The following DNAH9 variants were observed in gnomAD, a reference collection of about 807,000 sequenced individuals.
DNAH9 encodes DNAH9 variant protein.
Under a neutral mutation model 471.6 loss-of-function variants are expected in DNAH9, and 345 were observed. That is an observed-to-expected ratio of 0.73 (90% CI 0.67 to 0.80). The LOEUF (loss-of-function observed/expected upper bound fraction) is 0.80, where lower values mean the gene tolerates loss of function less well. DNAH9 is among the 30% of genes least tolerant of loss of function. The pLI is 0.00. For missense variants in DNAH9, 5,407 were observed against 5,609.2 expected (o/e 0.96, Z 1.15); for synonymous variants, 2,093 against 2,123.6 (o/e 0.99, Z 0.40).
At chr17:11,748,842 C>T (rs1262169071) in intron 32 of DNAH9, among the ~76,000 whole-genome samples, 1 of 152,126 alleles carries the variant, frequency 6.6e-6, no homozygotes, top group East Asian at 1.9e-4. Context: ...GAAATCTCAG[C>T]TCCTTCCTGA....
chr17:11,651,196 T>C lies in DNAH9; in HGVS notation c.2225T>C (p.Met742Thr). ...CAGCTTGTGGCTAATTTAGAGTTGA[T>C]GGCAAATTGGTACAACAAGGTTATG... ...YRQLVANLEL[M>T]ANWYNKVMKT... The change falls in exon 13 of 69, where the codon ATG becomes ACG. Residue 742 changes from methionine (M) to threonine (T), a missense_variant. Met to Thr is a moderately conservative substitution (Grantham distance 81). This residue lies in a region of DNAH9 where 4,636 missense variants were observed against 4,900.3 expected (regional missense o/e 0.95). Transcript: ENST00000262442. The C allele has an allele frequency of 1.2e-6, 2 of 1,614,116 alleles. No homozygotes were observed. Among genetic ancestry groups the C allele is most frequent in the Non-Finnish European group, 8.5e-7 (1 of 1,180,016 alleles).
intron 42 of DNAH9, among the ~76,000 whole-genome samples, chr17:11,796,345 G>A (rs1198541624): frequency 2.6e-5 from 4 of 152,246 alleles, no homozygotes; most frequent in Non-Finnish European, 5.9e-5. Context: ...CCAAATGTCT[G>A]AGCATTTTTG....
intron 38 of DNAH9, among the ~76,000 whole-genome samples, chr17:11,774,682 G>A (rs779449040): frequency 7.9e-5 from 12 of 152,124 alleles, no homozygotes; most frequent in Non-Finnish European, 1.6e-4. Context: ...AGATTAGGGT[G>A]GGGACACAGC....
chr17:11,846,387 G>A (rs1385007258), intron 49 of DNAH9, among the ~76,000 whole-genome samples: 2 of 151,320 alleles, frequency 1.3e-5, no homozygotes, highest in Admixed American at 1.3e-4. Flanking sequence ...CCAGTACCAT[G>A]CTGTTTTGGT....
intron 61 of DNAH9, among the ~76,000 whole-genome samples, chr17:11,914,471 C>CT (rs1973877868): frequency 6.6e-6 from 1 of 152,092 alleles, no homozygotes; most frequent in African/African-American, 2.4e-5. Context: ...GTCTTTATAT[C>CT]CCATGTCTTT....
At chr17:11,736,328 G>A (rs1423416377) in intron 28 of DNAH9, among the ~76,000 whole-genome samples, 3 of 152,192 alleles carry the variant, frequency 2.0e-5, no homozygotes, top group Non-Finnish European at 2.9e-5. Context: ...TTCAGAAAAC[G>A]ATGCATTTTC....
Position 11,742,286 on chromosome 17 carries a change from G to T in DNAH9, c.6084G>T (p.Gln2028His). 6.2e-7 allele frequency: 1 copy of T among 1,614,066 alleles called. No individual in the cohort carries two copies. The highest frequency in any genetic ancestry group is 2.2e-5 in the East Asian group (1 of 44,862). ...CCAGAAAGTTCATCACTCTTTACCA[G>T]TTGTGCAAAGAGCTTCTCTCCAAAC... ...SLARKFITLY[Q>H]LCKELLSKQD... The change falls in exon 30 of 69, where the codon CAG becomes CAT. Residue 2028 changes from glutamine (Q) to histidine (H), a missense_variant. By Grantham distance (24) the Gln-to-His change is conservative. This residue lies in a region of DNAH9 where 4,636 missense variants were observed against 4,900.3 expected (regional missense o/e 0.95). Coordinates refer to ENST00000262442, the MANE Select transcript of DNAH9 (RefSeq NM_001372.4).
intron 56 of DNAH9, among the ~76,000 whole-genome samples, chr17:11,884,923 T>C (rs76917258): frequency 6.8e-6 from 1 of 146,266 alleles, no homozygotes. Context: ...TCTTCATCTG[T>C]TTTTTTTTTA....
chr17:11,778,854 A>T (rs908395396), intron 38 of DNAH9, among the ~76,000 whole-genome samples: 1 of 151,930 alleles, frequency 6.6e-6, no homozygotes, highest in African/African-American at 2.4e-5. Context: ...TAAAAACACA[A>T]AATTAGCCAG....
rs140391146 is a variant in DNAH9, at chr17:11,850,469, T to A, written c.9508-3534T>A. 1.1e-3 allele frequency among the ~76,000 whole-genome samples: 168 copies of A among 152,200 alleles called. 1 individual carries two copies. The highest frequency in any genetic ancestry group is 3.8e-3 in the African/African-American group (159 of 41,524). ...TTCAAGATCAGCCTGACCAACATAA[T>A]GAAACCCTGTCTCTACTACTATACA... On this transcript the variant is annotated intron_variant, in intron 49 of 68. Coordinates refer to ENST00000262442, the MANE Select transcript of DNAH9 (RefSeq NM_001372.4).
At chr17:11,698,206 A>ATATATTAATATAATAATATATTAT (rs1337258682) in intron 22 of DNAH9, among the ~76,000 whole-genome samples, 2,005 of 122,880 alleles carry the variant, frequency 0.016, 113 homozygotes, top group South Asian at 0.079. Flanking sequence ...TAATATATTA[A>ATATATTAATATAATAATATATTAT]TAATATAATT....
In DNAH9 at chr17:11,617,492, C is replaced by T. The variant is rs368237169; in HGVS notation, c.986C>T (p.Pro329Leu). 2.7e-5 allele frequency: 43 copies of T among 1,614,004 alleles called. No individual in the cohort carries two copies. Among genetic ancestry groups the T allele is most frequent in the East Asian group, 6.7e-5 (3 of 44,872 alleles). The stretch of plus-strand genomic sequence containing the variant: ...GAAGCTCTGGAGAATGCAGAATTTC[C>T]GGAGGTGAAGCCCCAGCTGCGGCCC... ...HLEALENAEF[P>L]EVKPQLRPLL... Residue 329 changes from proline to leucine, a missense_variant, in exon 5 of 69, where the codon CCG becomes CTG. Physicochemically the swap from Pro to Leu is moderately conservative, Grantham distance 98. Transcript: ENST00000262442.
rs763606776 is a variant in DNAH9, at chr17:11,797,734, CCACAATGAAGTCAA to C, written c.8366_8379del (p.Asn2789SerfsTer8). 3 of 1,614,196 alleles carry C rather than the reference CCACAATGAAGTCAA, an allele frequency of 1.9e-6. No individual in the cohort carries two copies. The highest frequency in any genetic ancestry group is 1.7e-6 in the Non-Finnish European group (2 of 1,180,036). The stretch of plus-strand genomic sequence containing the variant: ...AGACTCTGGTGGAGGCCTTGGAGAA[CCACAATGAAGTCAA>C]CACAGTGATGGACCTAGTTCTCTTT... On this transcript the variant is annotated frameshift_variant, in exon 43 of 69. Coordinates refer to ENST00000262442, the MANE Select transcript of DNAH9 (RefSeq NM_001372.4). LOFTEE classifies it high-confidence loss of function.
intron 9 of DNAH9, among the ~76,000 whole-genome samples, chr17:11,639,583 A>G (rs1441962355): frequency 1.3e-5 from 2 of 152,196 alleles, no homozygotes; most frequent in Non-Finnish European, 2.9e-5. Flanking sequence ...CTGGAAGTTA[A>G]TTAAGCAGGG....
rs151263729 is a variant in DNAH9 at position 11,631,075 on chromosome 17, G to A, written c.1518+1491G>A. Among the ~76,000 whole-genome samples the A allele has an allele frequency of 3.5e-4, 54 of 152,164 alleles. 1 individual carries two copies. The highest frequency in any genetic ancestry group is 1.3e-3 in the African/African-American group (53 of 41,516). ...AGCCTGGGTTTTCTGATCTGAACCT[G>A]GTTCCTAACAGAACACATAGGATAA... On this transcript the variant is annotated intron_variant, in intron 7 of 68. Coordinates refer to ENST00000262442, the MANE Select transcript of DNAH9 (RefSeq NM_001372.4).
At chr17:11,834,260 C>T (rs141437374) in intron 48 of DNAH9, among the ~76,000 whole-genome samples, 89 of 121,678 alleles carry the variant, frequency 7.3e-4, no homozygotes, top group African/African-American at 2.6e-3. Flanking sequence ...ACCCAGGAGG[C>T]GGAGGTTGCA....
rs1484342712 is a variant in DNAH9, at chr17:11,785,013, C to T, written c.8061+474C>T. On this transcript the variant is annotated intron_variant, in intron 41 of 68. Transcript: ENST00000262442. ...TACTCCTAAGATGCCATCTGCCAGC[C>T]TCTAAGAGGGTCTCAGTCCTAAAAT... 3.3e-5 allele frequency among the ~76,000 whole-genome samples: 5 copies of T among 152,130 alleles called. No individual in the cohort carries two copies. In the South Asian group the frequency reaches 6.2e-4, roughly 19 times the overall value.
At position 11,871,760 on chromosome 17, in the gene DNAH9, T is replaced by TG. The variant is rs1180978729; in HGVS notation, c.10218dup (p.Arg3407GlufsTer26). ...CCGGCAGAGCCTCCTGGACAGAACT[T>TG]GGAGGCCCTACCTGAGCCAGCTGAA... On this transcript the variant is annotated frameshift_variant, in exon 52 of 69. Coordinates refer to ENST00000262442, the MANE Select transcript of DNAH9 (RefSeq NM_001372.4). LOFTEE classifies it high-confidence loss of function. The TG allele has an allele frequency of 6.2e-7, 1 of 1,614,130 alleles. No homozygotes were observed.
At chr17:11,671,043 T>A (rs1229342903) in intron 17 of DNAH9, among the ~76,000 whole-genome samples, 7 of 152,186 alleles carry the variant, frequency 4.6e-5, no homozygotes, top group African/African-American at 1.4e-4. Flanking sequence ...TTCTTCCACT[T>A]TCATGAAAGC....
Sources: gnomAD v4.1 joint callset for allele counts (sites outside exome capture counted in the v4.1 genomes callset) on GRCh38, gnomAD v4.1.1 for gene constraint, gnomAD v4.1.1 regional missense constraint, MANE v1.5 for transcripts, NCBI Gene and HGNC (gene_info 2026-07-23, HGNC 2026-07-21) for gene names.